The following USP22 variants were observed in gnomAD, a reference collection of about 807,000 sequenced individuals.
USP22 encodes ubiquitin specific peptidase 22.
A neutral mutation model predicts 68.1 loss-of-function variants in USP22; 22 were observed. The ratio of observed to expected loss-of-function variants is 0.32; its 90% CI spans 0.23 to 0.46. The LOEUF (loss-of-function observed/expected upper bound fraction) is 0.46. Ranked by LOEUF, USP22 falls within the 20% of genes least tolerant of loss-of-function variation. The pLI, the probability that USP22 is intolerant of heterozygous loss-of-function variation, is 1.00. For synonymous variants in USP22, 279 were observed against 274.2 expected (o/e 1.02, Z -0.17); for missense variants, 433 against 695.8 (o/e 0.62, Z 4.25).
Position 21,002,667 on chromosome 17 carries a change from G to A in USP22, c.*364C>T. 2 of 303,356 alleles carry A rather than the reference G, an allele frequency of 6.6e-6. No individual in the cohort carries two copies. Among genetic ancestry groups the A allele is most frequent in the Non-Finnish European group, 1.3e-5 (2 of 154,184 alleles). 18.8% of individuals were successfully genotyped at this position (303,356 alleles called of 1,614,324 possible). ...TGGACCCATAATCTTACAGCAGGTA[G>A]GGGCCTTTCCACACCGAGTGCTGGG... On this transcript the variant is annotated 3_prime_UTR_variant, in exon 13 of 13. Coordinates refer to ENST00000261497, the MANE Select transcript of USP22 (RefSeq NM_015276.2).
At chr17:21,010,538 G>A (rs539660540) in intron 8 of USP22, among the ~76,000 whole-genome samples, 48 of 133,144 alleles carry the variant, frequency 3.6e-4, no homozygotes, top group Non-Finnish European at 6.1e-4. Context: ...TTAGCCAGGC[G>A]TGGTGGTGCA....
chr17:21,041,468 G>C (rs1006957647), intron 1 of USP22, among the ~76,000 whole-genome samples: 1 of 152,030 alleles, frequency 6.6e-6, no homozygotes, highest in Non-Finnish European at 1.5e-5. Context: ...CGTGGTAGCA[G>C]GAGCCTGTAA....
intron 1 of USP22, among the ~76,000 whole-genome samples, chr17:21,032,512 T>C (rs1333421613): frequency 1.3e-5 from 2 of 152,184 alleles, no homozygotes; most frequent in East Asian, 1.9e-4. Context: ...ATTTTGGACG[T>C]CCAGTCTCAT....
chr17:21,027,292 CAAAAA>C (rs71357459), intron 2 of USP22, among the ~76,000 whole-genome samples: 1 of 72,300 alleles, frequency 1.4e-5, no homozygotes, highest in African/African-American at 5.0e-5. Flanking sequence ...ACCCTGTCTC[CAAAAA>C]AAAAAAAAAA....
Position 21,015,884 on chromosome 17 carries a change from G to A in USP22, c.706C>T (p.Arg236Trp), listed in dbSNP as rs1271984969. 11 of 1,613,874 alleles carry A rather than the reference G, an allele frequency of 6.8e-6. No homozygotes were observed. The highest frequency in any genetic ancestry group is 6.7e-5 in the African/African-American group (5 of 74,900). Reference protein sequence around the residue: ...SLFQEFYSGHRSPHIPYKLLH... With the variant: ...SLFQEFYSGHWSPHIPYKLLH... ...AACTTATACGGGATGTGAGGGGACC[G>A]GTGTCCAGAGTAAAACTGCCAGAGG... Residue 236 changes from arginine to tryptophan, a missense_variant, in exon 6 of 13, where the codon CGG becomes TGG. Physicochemically the swap from Arg to Trp is moderately radical, Grantham distance 101 (BLOSUM62 -3). Transcript: ENST00000261497.
intron 3 of USP22, 84 bp from the exon 4 acceptor site, chr17:21,019,269 G>GCTGT (rs1972125060): frequency 7.2e-7 from 1 of 1,379,674 alleles, no homozygotes; most frequent in East Asian, 2.3e-5. Flanking sequence ...GTGGCGCTAT[G>GCTGT]CTGTCTGTCA....
intron 6 of USP22, among the ~76,000 whole-genome samples, chr17:21,015,150 C>T (rs1027038488): frequency 3.3e-5 from 5 of 152,162 alleles, no homozygotes; most frequent in Admixed American, 1.3e-4. Flanking sequence ...CCACCTCCAG[C>T]GCTAAGAGCT....
At chr17:21,037,167 A>G (rs1008438323) in intron 1 of USP22, among the ~76,000 whole-genome samples, 1 of 152,246 alleles carries the variant, frequency 6.6e-6, no homozygotes, top group African/African-American at 2.4e-5. Context: ...CATACATTCA[A>G]TATCCACAAG....
rs751524237 is a variant in USP22 at position 21,021,101 on chromosome 17, G to A, written c.418+12C>T. 1.2e-6 allele frequency: 2 copies of A among 1,606,782 alleles called. No homozygotes were observed. Among genetic ancestry groups the A allele is most frequent in the South Asian group, 2.2e-5 (2 of 90,900 alleles). Reference sequence around the variant, plus strand: ...TGCAGGATCAAGCAGGTAAACTGAGGTGGAACCAAACCTTGCATTTTCCAA... The same window carrying A: ...TGCAGGATCAAGCAGGTAAACTGAGATGGAACCAAACCTTGCATTTTCCAA... On this transcript the variant is annotated intron_variant, in intron 3 of 12. Transcript: ENST00000261497.
chr17:21,021,158 C>G lies in USP22; in HGVS notation c.373G>C (p.Glu125Gln), dbSNP rs749729956. Residue 125 changes from glutamate (E) to glutamine (Q), a missense_variant, in exon 3 of 13, where the codon GAA becomes CAA. Physicochemically the swap from Glu to Gln is conservative, Grantham distance 29. Around this residue, in one of 4 missense-constraint regions of USP22, gnomAD observed 144 missense variants for 237.2 expected, o/e 0.61. Coordinates refer to ENST00000261497, the MANE Select transcript of USP22 (RefSeq NM_015276.2). Reference sequence around the variant, plus strand: ...CGCTGCTCCTCCTTGGCGATTATTTCCATGTCTTTGTCATAGATGTAGTCC... The same window carrying G: ...CGCTGCTCCTCCTTGGCGATTATTTGCATGTCTTTGTCATAGATGTAGTCC... ...CQDYIYDKDM[E>Q]IIAKEEQRKA... The G allele has an allele frequency of 3.7e-6, 6 of 1,614,066 alleles. No homozygotes were observed. Among genetic ancestry groups the G allele is most frequent in the African/African-American group, 1.3e-5 (1 of 74,918 alleles).
chr17:21,022,771 C>T (rs1295406672), intron 2 of USP22, among the ~76,000 whole-genome samples: 1 of 148,010 alleles, frequency 6.8e-6, no homozygotes, highest in Admixed American at 6.9e-5. Context: ...TGCACTCCAG[C>T]CTGGGCAACA....
chr17:21,007,760 C>T (rs1262148357), intron 9 of USP22, 110 bp downstream of exon 9: 9 of 1,375,622 alleles, frequency 6.5e-6, no homozygotes, highest in Non-Finnish European at 8.1e-6. Flanking sequence ...GTTCTTCCTG[C>T]TTGCTGCAAT....
chr17:21,003,814 G>A (rs1279993444), intron 12 of USP22, among the ~76,000 whole-genome samples: 3 of 150,762 alleles, frequency 2.0e-5, no homozygotes, highest in Non-Finnish European at 4.4e-5. Flanking sequence ...GCAGGAGACT[G>A]ACTTGAACCT....
At position 21,019,154 on chromosome 17, in the gene USP22, T is replaced by C; in HGVS notation, c.450A>G (p.Pro150=). Residue 150 remains proline (P), a synonymous_variant, in exon 4 of 13, where the codon CCA becomes CCG. Coordinates refer to ENST00000261497, the MANE Select transcript of USP22 (RefSeq NM_015276.2). ...TCAGCAGTTCAAGCTCCCGTTTGGT[T>C]GGTTCCCAAGTTGAAAACTTCTCTC... ...GVGEKFSTWE[P]TKRELELLKH... is the part of the protein sequence containing the mutation. 1.2e-6 allele frequency: 2 copies of C among 1,614,190 alleles called. No individual in the cohort carries two copies. The highest frequency in any genetic ancestry group is 1.7e-6 in the Non-Finnish European group (2 of 1,179,996).
intron 1 of USP22, among the ~76,000 whole-genome samples, chr17:21,040,041 T>C (rs577722572): frequency 1.2e-4 from 18 of 152,224 alleles, no homozygotes; most frequent in Admixed American, 5.2e-4. Flanking sequence ...TCTACAAATA[T>C]TAGCCGGTCG....
intron 1 of USP22, among the ~76,000 whole-genome samples, chr17:21,040,463 T>C (rs1239900085): frequency 6.6e-6 from 1 of 152,206 alleles, no homozygotes; most frequent in African/African-American, 2.4e-5. Flanking sequence ...AGCCCCCACC[T>C]AAATTTTGAA....
intron 1 of USP22, among the ~76,000 whole-genome samples, chr17:21,035,933 A>G (rs1972348034): frequency 6.9e-6 from 1 of 145,932 alleles, no homozygotes; most frequent in Non-Finnish European, 1.5e-5. Flanking sequence ...CGGGAGGCTG[A>G]GGCAAGAGAA....
intron 6 of USP22, 149 bp from the exon 7 acceptor site, chr17:21,013,084 T>C (rs1174163819): frequency 5.0e-6 from 3 of 604,342 alleles, no homozygotes; most frequent in Non-Finnish European, 8.7e-6. Flanking sequence ...TAGCAGAGGG[T>C]GTCCTTGTTA....
Position 21,011,189 on chromosome 17 carries a change from G to A in USP22, c.1065C>T (p.His355=), listed in dbSNP as rs762247160. ...SEGNVVNGES[H]VSGTTTLTDC... is the part of the protein sequence containing the mutation. ...CCGTGAGCGTGGTGGTTCCCGACAC[G>A]TGGCTTTCCCCGTTTACCACGTTGC... The change falls in exon 8 of 13, where the codon CAC becomes CAT. Residue 355 remains histidine, a synonymous_variant. Coordinates refer to ENST00000261497, the MANE Select transcript of USP22 (RefSeq NM_015276.2). The A allele has an allele frequency of 2.8e-5, 45 of 1,611,544 alleles. No individual in the cohort carries two copies. Among genetic ancestry groups the A allele is most frequent in the Non-Finnish European group, 3.5e-5 (41 of 1,178,546 alleles).
Sources: allele counts gnomAD v4.1 joint callset (sites outside exome capture counted in the v4.1 genomes callset), GRCh38; gene constraint gnomAD v4.1.1; regional missense constraint gnomAD v4.1.1; transcripts MANE v1.5; gene names NCBI Gene and HGNC (gene_info 2026-07-23, HGNC 2026-07-21).